Variants in SERPING1 observed in about 807,000 individuals in gnomAD.
SERPING1 encodes plasma protease C1 inhibitor.
SERPING1 carries 5 observed loss-of-function variants against 34.1 expected under a neutral mutation model. That is an observed-to-expected ratio of 0.15 (90% CI 0.08 to 0.31). SERPING1 has a LOEUF of 0.31. Ranked by LOEUF, SERPING1 falls within the 10% of genes least tolerant of loss-of-function variation. The probability of loss-of-function intolerance (pLI) is 1.00; values close to 1 mark genes in which losing one functional copy is unlikely to be tolerated. For synonymous variants in SERPING1, 225 were observed against 242.4 expected, an observed-to-expected ratio of 0.93 and a Z score of 0.67; for missense variants, 505 against 609.5, an observed-to-expected ratio of 0.83 and a Z score of 1.81.
Position 57,598,283 on chromosome 11 carries a change from C to A in SERPING1, c.13C>A (p.Leu5Met), listed in dbSNP as rs1350080094. 1.3e-6 allele frequency: 2 copies of A among 1,560,086 alleles called. No homozygotes were observed. The highest frequency in any genetic ancestry group is 1.7e-6 in the Non-Finnish European group (2 of 1,152,316). MASR[L>M]TLLTLLLLLL... ...CGTCGCCGCCCAGATGGCCTCCAGG[C>A]TGACCCTGCTGACCCTCCTGCTGCT... Residue 5 changes from leucine to methionine, a missense_variant, in exon 2 of 8, where the codon CTG becomes ATG. Leu to Met is a conservative substitution (Grantham distance 15). Transcript: ENST00000278407.
rs762750068 is a variant in SERPING1 at position 57,606,181 on chromosome 11, G to C, written c.857G>C (p.Arg286Pro). The C allele has an allele frequency of 2.5e-6, 4 of 1,613,982 alleles. No individual in the cohort carries two copies. In the Admixed American group the frequency reaches 6.7e-5, roughly 27 times the overall value. The change falls in exon 5 of 8, where the codon CGC becomes CCC. Residue 286 changes from arginine (R) to proline (P), a missense_variant. Physicochemically the swap from Arg to Pro is moderately radical, Grantham distance 103 (BLOSUM62 -2). Transcript: ENST00000278407. ...RLLDSLPSDT[R>P]LVLLNAIYLS... is the part of the protein sequence containing the mutation. ...CTAGACAGTCTGCCCTCCGATACCC[G>C]CCTTGTCCTCCTCAATGCTATCTAC...
At position 57,602,086 on chromosome 11, in the gene SERPING1, A is replaced by C; in HGVS notation, c.602A>C (p.Lys201Thr). 1.2e-6 allele frequency: 2 copies of C among 1,614,152 alleles called. No homozygotes were observed. The highest frequency in any genetic ancestry group is 3.3e-5 in the Admixed American group (2 of 60,010). The change falls in exon 4 of 8, where the codon AAG (lysine) becomes ACG (threonine). Residue 201 changes from lysine (K) to threonine (T), a missense_variant. Lys to Thr is a moderately conservative substitution (Grantham distance 78). Coordinates refer to ENST00000278407, the MANE Select transcript of SERPING1 (RefSeq NM_000062.3). ...CTGGAGAGCATCCTCTCTTACCCCAAGGACTTCACCTGTGTCCACCAGGCC... is the reference window on the plus strand; with the variant it reads ...CTGGAGAGCATCCTCTCTTACCCCACGGACTTCACCTGTGTCCACCAGGCC... ...TNLESILSYP[K>T]DFTCVHQALK...
intron 4 of SERPING1, among the ~76,000 whole-genome samples, chr11:57,602,715 A>T (rs1945363333): frequency 2.0e-5 from 3 of 150,278 alleles, no homozygotes; most frequent in Non-Finnish European, 4.4e-5. Flanking sequence ...AGATGACGCC[A>T]CTGCACTCCA....
intron 3 of SERPING1, among the ~76,000 whole-genome samples, chr11:57,601,137 A>T (rs1945343333): frequency 6.6e-6 from 1 of 151,892 alleles, no homozygotes; most frequent in South Asian, 2.1e-4. Context: ...GCGGTGGTTC[A>T]CACCTGTAAT....
At chr11:57,603,023 A>C (rs933163494) in intron 4 of SERPING1, among the ~76,000 whole-genome samples, 2 of 151,944 alleles carry the variant, frequency 1.3e-5, no homozygotes, top group African/African-American at 4.8e-5. Context: ...ACCTGAGGTC[A>C]GGAGTTCAAG....
At chr11:57,606,300 C>T in intron 5 of SERPING1, 87 bp downstream of exon 5, 5 of 1,595,870 alleles carry the variant, frequency 3.1e-6, no homozygotes, top group Non-Finnish European at 4.3e-6. Flanking sequence ...CCAAGTTCTA[C>T]AATCGGATCT....
At position 57,600,529 on chromosome 11, in the gene SERPING1, A is replaced by G. The variant is rs1590822878; in HGVS notation, c.550+152A>G. 4 of 808,442 alleles carry G rather than the reference A, an allele frequency of 4.9e-6. No individual in the cohort carries two copies. In the African/African-American group the frequency reaches 6.8e-5, roughly 14 times the overall value. The allele number at this position is 808,442 out of a possible 1,614,324, so 50.1% of individuals were successfully genotyped here. ...GTGGGGTAGAGGGATGTATCTTTTCATTCTTGAACATTCCATCATTTCACA... is the reference window on the plus strand; with the variant it reads ...GTGGGGTAGAGGGATGTATCTTTTCGTTCTTGAACATTCCATCATTTCACA... On this transcript the variant is annotated intron_variant, in intron 3 of 7. Transcript: ENST00000278407.
intron 6 of SERPING1, chr11:57,611,476 G>T: frequency 1.7e-6 from 1 of 573,116 alleles, no homozygotes; most frequent in Non-Finnish European, 3.1e-6. Context: ...CAGTGGTGGA[G>T]TCAGGGTATA....
At chr11:57,602,626 G>A (rs563169231) in intron 4 of SERPING1, among the ~76,000 whole-genome samples, 2 of 151,180 alleles carry the variant, frequency 1.3e-5, no homozygotes, top group Non-Finnish European at 3.0e-5. Context: ...ATGGTGGCGG[G>A]CACCTGTAAT....
intron 2 of SERPING1, among the ~76,000 whole-genome samples, 180 bp from the exon 3 acceptor site, chr11:57,599,699 C>T (rs1945325461): frequency 6.6e-6 from 1 of 152,208 alleles, no homozygotes; most frequent in African/African-American, 2.4e-5. Context: ...TGTATTGCCC[C>T]TTCTCTGAGG....
rs34230385 is a variant in SERPING1 at position 57,603,050 on chromosome 11, T to A, written c.685+881T>A. On this transcript the variant is annotated intron_variant, in intron 4 of 7. Coordinates refer to ENST00000278407, the MANE Select transcript of SERPING1 (RefSeq NM_000062.3). ...GAGTTCAAGACCAGCCTGGCCAACA[T>A]GGCAAAACCCTGTCTCTATTAAAAA... is the stretch of plus-strand genomic sequence containing the variant. Among the ~76,000 whole-genome samples, 421 of 151,390 alleles carry A rather than the reference T, an allele frequency of 2.8e-3. 1 individual carries two copies. The highest frequency in any genetic ancestry group is 9.6e-3 in the African/African-American group (397 of 41,256).
At position 57,605,721 on chromosome 11, in the gene SERPING1, G is replaced by T. The variant is rs540893360; in HGVS notation, c.686-289G>T. On this transcript the variant is annotated intron_variant, in intron 4 of 7. Transcript: ENST00000278407. Reference sequence around the variant, plus strand: ...AGGGAAGAAAAGAGGGAAAATCTAGGCAAATGGAATTTAATATCTCAAAAA... The same window carrying T: ...AGGGAAGAAAAGAGGGAAAATCTAGTCAAATGGAATTTAATATCTCAAAAA... 1.4e-3 allele frequency: 643 copies of T among 453,470 alleles called. 6 individuals are homozygous for T. The highest frequency in any genetic ancestry group is 4.6e-3 in the Middle Eastern group (7 of 1,538). The allele number at this position is 453,470 out of a possible 1,614,324, so 28.1% of individuals were successfully genotyped here.
At chr11:57,599,206 A>G (rs1945319713) in intron 2 of SERPING1, among the ~76,000 whole-genome samples, 1 of 152,104 alleles carries the variant, frequency 6.6e-6, no homozygotes, top group Non-Finnish European at 1.5e-5. Flanking sequence ...GTTTTGCAGT[A>G]TATCTCTAGC....
intron 6 of SERPING1, 156 bp from the exon 7 acceptor site, chr11:57,611,561 C>T: frequency 1.3e-6 from 1 of 753,770 alleles, no homozygotes; most frequent in South Asian, 1.5e-5. Flanking sequence ...CAGCTGGTAT[C>T]CCCATTTCAT....
chr11:57,608,581 C>T (rs975114795), intron 6 of SERPING1, among the ~76,000 whole-genome samples: 9 of 152,152 alleles, frequency 5.9e-5, no homozygotes, highest in African/African-American at 1.9e-4. Flanking sequence ...GGCACAATCC[C>T]AGCTCTCTGT....
Position 57,602,021 on chromosome 11 carries a change from G to T in SERPING1, c.551-14G>T. On this transcript the variant is annotated splice_polypyrimidine_tract_variant and intron_variant, in intron 3 of 7. Transcript: ENST00000278407. ...CATCCTGCAAGTATCTTTCATCTCT[G>T]CCCTTTGTTGCAGGGGCTGGGGAGA... 6.2e-7 allele frequency: 1 copy of T among 1,614,114 alleles called. No homozygotes were observed.
chr11:57,608,237 A>G lies in SERPING1; in HGVS notation c.1029+1690A>G, dbSNP rs1253764894. ...CATAGATGTTAGGTGGAAAGTAGGA[A>G]TTAAGAACTTAACAAGTTAGGTTTA... On this transcript the variant is annotated intron_variant, in intron 6 of 7. Transcript: ENST00000278407. Among the ~76,000 whole-genome samples, 5 of 152,328 alleles carry G rather than the reference A, an allele frequency of 3.3e-5. No homozygotes were observed. In the East Asian group the frequency reaches 9.6e-4, roughly 29 times the overall value.
chr11:57,606,927 G>A (rs1211153598), intron 6 of SERPING1: 7 of 449,728 alleles, frequency 1.6e-5, no homozygotes, highest in Admixed American at 8.3e-5. Flanking sequence ...ATGTGTAGAC[G>A]TGTATAAGTA....
Position 57,600,150 on chromosome 11 carries a change from A to C in SERPING1, c.323A>C (p.Gln108Pro). ...PTIQPTQPTT[Q>P]LPTDSPTQPT... Reference sequence around the variant, plus strand: ...ATCCAACCCACCCAACCAACTACCCAGCTCCCAACAGATTCTCCTACCCAG... The same window carrying C: ...ATCCAACCCACCCAACCAACTACCCCGCTCCCAACAGATTCTCCTACCCAG... Residue 108 changes from glutamine to proline, a missense_variant, in exon 3 of 8, where the codon CAG becomes CCG. Gln to Pro is a moderately conservative substitution (Grantham distance 76). Transcript: ENST00000278407. 1 of 1,405,508 alleles carries C rather than the reference A, an allele frequency of 7.1e-7. No individual in the cohort carries two copies. The highest frequency in any genetic ancestry group is 9.5e-7 in the Non-Finnish European group (1 of 1,053,268). 87.1% of individuals were successfully genotyped at this position (1,405,508 alleles called of 1,614,324 possible).
Sources: gnomAD v4.1 joint callset for allele counts (sites outside exome capture counted in the v4.1 genomes callset) on GRCh38, gnomAD v4.1.1 for gene constraint, MANE v1.5 for transcripts, NCBI Gene and HGNC (gene_info 2026-07-23, HGNC 2026-07-21) for gene names.